STPG2: variants seen among roughly 807,000 people sequenced by gnomAD.
The protein encoded by STPG2 is sperm-tail PG-rich repeat-containing protein 2.
Under a neutral mutation model 54.2 loss-of-function variants are expected in STPG2, and 56 were observed. The ratio of observed to expected loss-of-function variants is 1.03; its 90% CI spans 0.83 to 1.29. STPG2 has a LOEUF of 1.29. Ranked by LOEUF, STPG2 falls within the 50% of genes most tolerant of loss-of-function variation. The probability of loss-of-function intolerance (pLI) is 0.00; values close to 1 mark genes in which losing one functional copy is unlikely to be tolerated. For missense variants in STPG2, 596 were observed against 544.9 expected (o/e 1.09, Z -0.93); for synonymous variants, 200 against 181.8 (o/e 1.10, Z -0.81).
chr4:97,551,583 G>C (rs1293659138), intron 4 of STPG2, among the ~76,000 whole-genome samples: 3 of 152,146 alleles, frequency 2.0e-5, no homozygotes, highest in Admixed American at 6.5e-5. Context: ...ATCATCTTCT[G>C]TTGATCAGAT....
At chr4:97,687,910 A>G (rs1480872067) in intron 10 of STPG2, among the ~76,000 whole-genome samples, 1 of 152,152 alleles carries the variant, frequency 6.6e-6, no homozygotes, top group African/African-American at 2.4e-5. Flanking sequence ...AAAATTAGAG[A>G]GTATATTAAA....
chr4:97,952,855 A>G (rs1170831422), intron 7 of STPG2, among the ~76,000 whole-genome samples: 2 of 152,154 alleles, frequency 1.3e-5, no homozygotes, highest in Non-Finnish European at 2.9e-5. Flanking sequence ...GGTCATGCAC[A>G]AGTTTTCTCC....
At chr4:97,608,974 C>A (rs1226161662) in intron 10 of STPG2, among the ~76,000 whole-genome samples, 1 of 152,008 alleles carries the variant, frequency 6.6e-6, no homozygotes, top group Non-Finnish European at 1.5e-5. Context: ...CACAACACTG[C>A]ATCATGAACA....
intron 9 of STPG2, among the ~76,000 whole-genome samples, chr4:97,812,382 C>G (rs1280994294): frequency 6.6e-6 from 1 of 152,086 alleles, no homozygotes; most frequent in Non-Finnish European, 1.5e-5. Context: ...TTCCTTCAAA[C>G]TCACAGAAAT....
chr4:97,525,445 A>G (rs2148849446), intron 4 of STPG2, among the ~76,000 whole-genome samples: 1 of 152,076 alleles, frequency 6.6e-6, no homozygotes, highest in African/African-American at 2.4e-5. Context: ...AGGAACAATA[A>G]CTGTAAACCA....
intron 10 of STPG2, among the ~76,000 whole-genome samples, chr4:97,672,292 G>A (rs898976716): frequency 1.6e-4 from 24 of 148,144 alleles, no homozygotes; most frequent in African/African-American, 5.2e-4. Flanking sequence ...TCCTGCCTCA[G>A]TCTCCTGAGT....
At chr4:97,967,244 A>T (rs1734138104) in intron 7 of STPG2, among the ~76,000 whole-genome samples, 1 of 151,944 alleles carries the variant, frequency 6.6e-6, no homozygotes, top group Non-Finnish European at 1.5e-5. Context: ...ACAGACTTTA[A>T]ACGAACAAAG....
chr4:97,456,064 T>G (rs1729509634), intron 4 of STPG2, among the ~76,000 whole-genome samples: 1 of 152,220 alleles, frequency 6.6e-6, no homozygotes. Context: ...AAAACTTTTG[T>G]TCTGCAAAAG....
In STPG2 at chr4:98,142,431, G is replaced by A. The variant is rs184645825; in HGVS notation, c.109+611C>T. ...ACTAAGTCACTAACTGCAAACAAAC[G>A]AGGAGAGCAAATATTATTTAAATTA... On this transcript the variant is annotated intron_variant, in intron 1 of 10. Coordinates refer to ENST00000295268, the MANE Select transcript of STPG2 (RefSeq NM_174952.3). Among the ~76,000 whole-genome samples the A allele has an allele frequency of 7.9e-5, 12 of 152,158 alleles. No individual in the cohort carries two copies. The East Asian group carries it at 1.7e-3, about 22-fold the overall frequency.
At chr4:97,706,738 A>G (rs561259629) in intron 10 of STPG2, among the ~76,000 whole-genome samples, 1 of 152,308 alleles carries the variant, frequency 6.6e-6, no homozygotes, top group South Asian at 2.1e-4. Context: ...GATCTACCAC[A>G]GGATTGGGCA....
At chr4:97,712,587 A>T (rs969166785) in intron 10 of STPG2, 112 bp downstream of exon 10, 9 of 619,268 alleles carry the variant, frequency 1.5e-5, no homozygotes, top group Non-Finnish European at 2.2e-5. Context: ...ATTTTCATTA[A>T]TCAGCAATGT....
chr4:97,760,335 T>C (rs1725853873), intron 9 of STPG2, among the ~76,000 whole-genome samples: 1 of 152,192 alleles, frequency 6.6e-6, no homozygotes, highest in Non-Finnish European at 1.5e-5. Flanking sequence ...AGTAAATGTT[T>C]TTAAATAAGT....
chr4:98,143,190 C>T lies in STPG2; in HGVS notation c.-40G>A. The T allele has an allele frequency of 1.3e-6, 2 of 1,513,102 alleles. No individual in the cohort carries two copies. Among genetic ancestry groups the T allele is most frequent in the Middle Eastern group, 1.8e-4 (1 of 5,506 alleles). 93.7% of individuals were successfully genotyped at this position (1,513,102 alleles called of 1,614,324 possible). A position where few individuals can be genotyped will look rare whatever the true frequency, so the allele number is the denominator to read the frequency against. On this transcript the variant is annotated 5_prime_UTR_variant, in exon 1 of 11. Coordinates refer to ENST00000295268, the MANE Select transcript of STPG2 (RefSeq NM_174952.3). ...TGGGGGCGCTGGGGAAGGGCAGGTG[C>T]CGAAAACGATAAAAACAAGGTAGCT...
intron 4 of STPG2, among the ~76,000 whole-genome samples, chr4:97,549,713 A>G (rs1211240401): frequency 6.6e-6 from 1 of 152,188 alleles, no homozygotes; most frequent in Non-Finnish European, 1.5e-5. Context: ...GGTCATGTAA[A>G]GATGGAAGCA....
intron 10 of STPG2, among the ~76,000 whole-genome samples, chr4:97,658,894 T>C (rs1193467456): frequency 6.6e-6 from 1 of 152,084 alleles, no homozygotes; most frequent in African/African-American, 2.4e-5. Flanking sequence ...GCTATAGAAA[T>C]ATCATTTAAG....
intron 8 of STPG2, among the ~76,000 whole-genome samples, chr4:97,930,324 G>A (rs952274038): frequency 1.6e-4 from 24 of 152,230 alleles, no homozygotes; most frequent in African/African-American, 5.8e-4. Flanking sequence ...GCACATGTAA[G>A]TCTTTAATCA....
chr4:97,867,019 C>A (rs1275001144), intron 8 of STPG2, among the ~76,000 whole-genome samples: 3 of 151,914 alleles, frequency 2.0e-5, no homozygotes, highest in Non-Finnish European at 4.4e-5. Flanking sequence ...ATTAATTGTG[C>A]AGGAGCAGCA....
intron 5 of STPG2, among the ~76,000 whole-genome samples, chr4:98,019,134 G>A (rs868708954): frequency 2.6e-5 from 4 of 152,282 alleles, no homozygotes; most frequent in East Asian, 3.9e-4. Flanking sequence ...TTTTCTTCTA[G>A]ACTTTTTATG....
intron 8 of STPG2, among the ~76,000 whole-genome samples, chr4:97,847,624 G>A (rs1042197675): frequency 6.6e-6 from 1 of 152,118 alleles, no homozygotes; most frequent in African/African-American, 2.4e-5. Context: ...CCTAATTCCT[G>A]CAGCATAACA....
Sources: allele counts gnomAD v4.1 joint callset (sites outside exome capture counted in the v4.1 genomes callset), GRCh38; gene constraint gnomAD v4.1.1; transcripts MANE v1.5; gene names NCBI Gene and HGNC (gene_info 2026-07-23, HGNC 2026-07-21).